The following CA10 variants were observed in gnomAD, a reference collection of about 807,000 sequenced individuals.
CA10 encodes the protein carbonic anhydrase-related protein 10.
In CA10, 14 loss-of-function variants were observed where a neutral mutation model predicts 44.2. The ratio of observed to expected loss-of-function variants is 0.32; its 90% CI spans 0.21 to 0.50. CA10 has a LOEUF of 0.50. Ranked by LOEUF, CA10 falls within the 20% of genes least tolerant of loss-of-function variation. The pLI is 0.99. For missense variants in CA10, 350 were observed against 409.7 expected, an observed-to-expected ratio of 0.85 and a Z score of 1.26; for synonymous variants, 159 against 141.6, an observed-to-expected ratio of 1.12 and a Z score of -0.87.
intron 4 of CA10, among the ~76,000 whole-genome samples, chr17:51,741,597 G>T (rs1212586446): frequency 2.0e-5 from 3 of 152,132 alleles, no homozygotes; most frequent in Non-Finnish European, 4.4e-5. Flanking sequence ...GACACAAATG[G>T]TTGACTGAGT....
chr17:51,770,838 G>C (rs1905578472), intron 3 of CA10, among the ~76,000 whole-genome samples: 2 of 151,856 alleles, frequency 1.3e-5, no homozygotes, highest in Non-Finnish European at 2.9e-5. Flanking sequence ...ACAAAGACCA[G>C]ATCTCAGCCG....
At chr17:51,920,098 TAGTCCTTCTATAATTTTTA>T (rs1982169440) in intron 3 of CA10, among the ~76,000 whole-genome samples, 1 of 152,192 alleles carries the variant, frequency 6.6e-6, no homozygotes, top group Non-Finnish European at 1.5e-5. Flanking sequence ...CATCTCAAGC[TAGTCCTTCTATAATTTTTA>T]ATAAAAATTA....
At chr17:51,915,271 A>G (rs138712504) in intron 3 of CA10, among the ~76,000 whole-genome samples, 236 of 152,290 alleles carry the variant, frequency 1.5e-3, no homozygotes, top group African/African-American at 5.4e-3. Context: ...GGTAATCGGC[A>G]AGGACAATTT....
At chr17:51,913,997 T>C (rs1036717414) in intron 3 of CA10, among the ~76,000 whole-genome samples, 14 of 152,122 alleles carry the variant, frequency 9.2e-5, no homozygotes, top group Admixed American at 1.3e-4. Context: ...TGTTAAATTA[T>C]GCACATCATA....
rs188033946 is a variant in CA10, at chr17:51,884,483, A to G, written c.279+46507T>C. Among the ~76,000 whole-genome samples the G allele has an allele frequency of 4.7e-3, 708 of 152,136 alleles. 7 individuals carry two copies. Among genetic ancestry groups the G allele is most frequent in the South Asian group, 0.015 (70 of 4,822 alleles). On this transcript the variant is annotated intron_variant, in intron 3 of 8. Coordinates refer to ENST00000451037, the MANE Select transcript of CA10 (RefSeq NM_020178.5). ...GGCTATTCTCCCCTGCAAACACCCA[A>G]TGGCTTGCAAATTTAACTCATCCAG...
intron 2 of CA10, among the ~76,000 whole-genome samples, chr17:51,938,571 G>T (rs1343515946): frequency 1.3e-5 from 2 of 152,128 alleles, no homozygotes; most frequent in East Asian, 1.9e-4. Context: ...ATCCAATAGG[G>T]TTTTTAACTC....
chr17:52,074,531 A>G (rs1172263639), intron 1 of CA10, among the ~76,000 whole-genome samples: 3 of 152,184 alleles, frequency 2.0e-5, no homozygotes, highest in South Asian at 4.1e-4. Context: ...TTCTCTCTTT[A>G]TTCTACGAGA....
At chr17:51,669,052 G>A (rs1000675074) in intron 4 of CA10, among the ~76,000 whole-genome samples, 6 of 152,296 alleles carry the variant, frequency 3.9e-5, no homozygotes, top group South Asian at 2.1e-4. Context: ...CCAAGACCCT[G>A]CAACCTCATC....
chr17:52,031,747 A>C (rs1021270458), intron 2 of CA10, among the ~76,000 whole-genome samples: 4 of 152,198 alleles, frequency 2.6e-5, no homozygotes, highest in African/African-American at 9.7e-5. Flanking sequence ...CCATGTGTTT[A>C]ATTAATGCTA....
At chr17:51,899,656 C>T (rs1981224824) in intron 3 of CA10, among the ~76,000 whole-genome samples, 2 of 152,082 alleles carry the variant, frequency 1.3e-5, no homozygotes, top group Non-Finnish European at 1.5e-5. Context: ...ATGTTGAAGT[C>T]TCCTACTATT....
At chr17:51,981,658 A>G (rs1984658289) in intron 2 of CA10, among the ~76,000 whole-genome samples, 1 of 152,098 alleles carries the variant, frequency 6.6e-6, no homozygotes, top group South Asian at 2.1e-4. Flanking sequence ...ATTTCACTGT[A>G]AATAAATAAT....
chr17:51,658,662 A>G (rs1913889556), intron 4 of CA10, among the ~76,000 whole-genome samples: 1 of 152,198 alleles, frequency 6.6e-6, no homozygotes, highest in Non-Finnish European at 1.5e-5. Context: ...AAGGCTTTGT[A>G]GACCATGGTG....
At position 51,942,888 on chromosome 17, in the gene CA10, A is replaced by C. The variant is rs188742703; in HGVS notation, c.137-11756T>G. On this transcript the variant is annotated intron_variant, in intron 2 of 8. Coordinates refer to ENST00000451037, the MANE Select transcript of CA10 (RefSeq NM_020178.5). ...CCATGTTGCCAGTTTCCATTCCAAT[A>C]CTTGACACAATGTAGATACTCAACA... Among the ~76,000 whole-genome samples the C allele has an allele frequency of 1.1e-4, 16 of 152,146 alleles. No individual in the cohort carries two copies. In the East Asian group the frequency reaches 2.7e-3, roughly 26 times the overall value.
chr17:52,138,356 A>T (rs1048274558), intron 1 of CA10, among the ~76,000 whole-genome samples: 4 of 152,154 alleles, frequency 2.6e-5, no homozygotes, highest in Non-Finnish European at 4.4e-5. Context: ...TGAATGCTAA[A>T]TCCCTTTTAC....
chr17:51,862,976 G>A (rs1024163338), intron 3 of CA10, among the ~76,000 whole-genome samples: 4 of 152,042 alleles, frequency 2.6e-5, no homozygotes, highest in Admixed American at 6.6e-5. Flanking sequence ...AATGTGGAGG[G>A]GAGGCACAAA....
intron 3 of CA10, among the ~76,000 whole-genome samples, chr17:51,915,094 T>C (rs1981939807): frequency 6.6e-6 from 1 of 152,202 alleles, no homozygotes; most frequent in Non-Finnish European, 1.5e-5. Flanking sequence ...CATACTTTGC[T>C]GCTAACCAGA....
intron 3 of CA10, among the ~76,000 whole-genome samples, chr17:51,750,945 T>G (rs1194900789): frequency 6.6e-6 from 1 of 152,168 alleles, no homozygotes; most frequent in East Asian, 1.9e-4. Flanking sequence ...TTCCCAGTAC[T>G]TGGGAAACAC....
chr17:51,647,204 A>G (rs1037432162), intron 6 of CA10, among the ~76,000 whole-genome samples: 1 of 151,612 alleles, frequency 6.6e-6, no homozygotes, highest in Non-Finnish European at 1.5e-5. Context: ...CTTTCTTGCC[A>G]CTCCCTCTGC....
intron 4 of CA10, among the ~76,000 whole-genome samples, chr17:51,688,075 T>A (rs1915066406): frequency 6.6e-6 from 1 of 152,166 alleles, no homozygotes; most frequent in African/African-American, 2.4e-5. Flanking sequence ...ATGGCTGCAA[T>A]GTCATGTGAA....
Sources: gnomAD v4.1 joint callset for allele counts (sites outside exome capture counted in the v4.1 genomes callset) on GRCh38, gnomAD v4.1.1 for gene constraint, MANE v1.5 for transcripts, NCBI Gene and HGNC (gene_info 2026-07-23, HGNC 2026-07-21) for gene names.